Variants in PTPN22 observed in about 807,000 individuals in gnomAD.
PTPN22 encodes protein tyrosine phosphatase non-receptor type 22.
A neutral mutation model predicts 103.3 loss-of-function variants in PTPN22; 85 were observed. The ratio of observed to expected loss-of-function variants is 0.82; its 90% CI spans 0.69 to 0.99. The LOEUF (loss-of-function observed/expected upper bound fraction) is 0.99, where lower values mean the gene tolerates loss of function less well. Among genes scored for constraint, PTPN22 ranks in the 50% least tolerant of loss-of-function variants. PTPN22 has a pLI of 0.00. For synonymous variants in PTPN22, 323 were observed against 310.2 expected (o/e 1.04, Z -0.43); for missense variants, 865 against 936.9 (o/e 0.92, Z 1.00).
exon 8 of PTPN22, chr1:113,854,983 C>T (rs1664917028): frequency 6.2e-7 from 1 of 1,607,232 alleles, no homozygotes. Flanking sequence ...AGAATAGGGT[C>T]TATAGATGAA....
In PTPN22 at chr1:113,859,105, C is replaced by T. The variant is rs753447544; in HGVS notation, c.197-27G>A. 13 of 1,610,468 alleles carry T rather than the reference C, an allele frequency of 8.1e-6. No homozygotes were observed. The Admixed American group carries it at 2.0e-4, about 25-fold the overall frequency. ...TATAATACAAAAGACAGACATAGTA[C>T]AATTAAGAGGGCTTAGTCAGCAGAT... On this transcript the variant is annotated intron_variant, in intron 2 of 20. Transcript: ENST00000359785.
intron 4 of PTPN22, among the ~76,000 whole-genome samples, chr1:113,858,170 A>G (rs1391472460): frequency 6.6e-6 from 1 of 151,914 alleles, no homozygotes; most frequent in Non-Finnish European, 1.5e-5. Flanking sequence ...CGATTCTCCC[A>G]TATCAGCTTC....
chr1:113,818,588 G>T (rs948422859), intron 20 of PTPN22, among the ~76,000 whole-genome samples: 2 of 152,124 alleles, frequency 1.3e-5, no homozygotes, highest in African/African-American at 4.8e-5. Flanking sequence ...TAACTTAGGC[G>T]TGGCAGAGAT....
At position 113,842,901 on chromosome 1, in the gene PTPN22, A is replaced by G. The variant is rs973096085; in HGVS notation, c.916-4281T>C. Among the ~76,000 whole-genome samples the G allele has an allele frequency of 2.6e-5, 4 of 150,998 alleles. No individual in the cohort carries two copies. In the East Asian group the frequency reaches 5.9e-4, roughly 22 times the overall value. ...CGGATCACGAGGTCAGGAGATCGAG[A>G]CCATCCCGGCTAAAACGGTGAAACC... On this transcript the variant is annotated intron_variant, in intron 11 of 20. Transcript: ENST00000359785.
exon 1 of PTPN22, chr1:113,871,569 T>G (rs1185291131): frequency 6.2e-7 from 1 of 1,614,034 alleles, no homozygotes; most frequent in Admixed American, 1.7e-5. Context: ...TCTTTAGTAA[T>G]TTTCTTGCTT....
chr1:113,837,713 GA>G lies in PTPN22; in HGVS notation c.1686del (p.Pro563LeufsTer24), dbSNP rs920720791. ...GAGGATGTTGGCAACAGAGAAGAAG[GA>G]AAAACAGTTCCATCTTGCTTCTCAG... On this transcript the variant is annotated frameshift_variant, in exon 13 of 21. Coordinates refer to ENST00000359785, the Ensembl canonical transcript of PTPN22. LOFTEE classifies it high-confidence loss of function. The G allele has an allele frequency of 1.2e-6, 2 of 1,610,014 alleles. No individual in the cohort carries two copies. The highest frequency in any genetic ancestry group is 2.7e-5 in the African/African-American group (2 of 74,798).
exon 4 of PTPN22, chr1:113,858,520 G>C: frequency 6.2e-7 from 1 of 1,607,366 alleles, no homozygotes; most frequent in Non-Finnish European, 8.5e-7. Context: ...AGTCCAGGAG[G>C]GTTGTAGATA....
At chr1:113,868,516 A>G (rs1411039979) in intron 1 of PTPN22, among the ~76,000 whole-genome samples, 2 of 152,188 alleles carry the variant, frequency 1.3e-5, no homozygotes, top group Non-Finnish European at 2.9e-5. Flanking sequence ...ACTCCCCCAA[A>G]GCTCTCTATC....
At chr1:113,859,321 G>A in intron 2 of PTPN22, 31 bp downstream of exon 2, 1 of 1,582,502 alleles carries the variant, frequency 6.3e-7, no homozygotes, top group Non-Finnish European at 8.7e-7. Context: ...TTGGGAGAAA[G>A]TATGAGTTTA....
At chr1:113,843,105 A>AAAAAAAAAAG (rs1558036819) in intron 11 of PTPN22, among the ~76,000 whole-genome samples, 3 of 145,710 alleles carry the variant, frequency 2.1e-5, no homozygotes, top group Admixed American at 2.0e-4. Context: ...GTCTCAAAAA[A>AAAAAAAAAAG]AAAAAAAAAG....
intron 13 of PTPN22, among the ~76,000 whole-genome samples, chr1:113,835,564 G>T (rs886505408): frequency 6.6e-6 from 1 of 152,050 alleles, no homozygotes; most frequent in Admixed American, 6.6e-5. Context: ...AAAACATTTT[G>T]ATTGAGTCAC....
intron 20 of PTPN22, among the ~76,000 whole-genome samples, chr1:113,817,038 A>T (rs568380777): frequency 6.6e-6 from 1 of 152,282 alleles, no homozygotes; most frequent in South Asian, 2.1e-4. Flanking sequence ...ATGATAAAAA[A>T]AAATTGGTGG....
chr1:113,827,001 A>G lies in PTPN22; in HGVS notation c.2251-1829T>C, dbSNP rs527668303. ...TCTAATTTATCTCTTCAAGGAACCTACCCAAATTTCTTCTTTACTCCACAT... is the reference window on the plus strand; with the variant it reads ...TCTAATTTATCTCTTCAAGGAACCTGCCCAAATTTCTTCTTTACTCCACAT... On this transcript the variant is annotated intron_variant, in intron 18 of 20. Coordinates refer to ENST00000359785, the Ensembl canonical transcript of PTPN22. 5.3e-5 allele frequency among the ~76,000 whole-genome samples: 8 copies of G among 152,136 alleles called. No homozygotes were observed. The South Asian group carries it at 1.7e-3, about 32-fold the overall frequency.
In PTPN22 at chr1:113,843,601, T is replaced by C. The variant is rs868581125; in HGVS notation, c.915+4939A>G. Among the ~76,000 whole-genome samples, 5 of 152,212 alleles carry C rather than the reference T, an allele frequency of 3.3e-5. No homozygotes were observed. The Middle Eastern group carries it at 0.01, about 311-fold the overall frequency. On this transcript the variant is annotated intron_variant, in intron 11 of 20. Transcript: ENST00000359785. ...TTTAGAATAATGAAAGTTCCAGAAA[T>C]AGTGATAGTCACTCAACATTGTGAA...
intron 20 of PTPN22, among the ~76,000 whole-genome samples, chr1:113,817,229 G>C (rs1395858525): frequency 6.6e-6 from 1 of 152,150 alleles, no homozygotes; most frequent in African/African-American, 2.4e-5. Context: ...TGTTAGTATT[G>C]AGTACCTAAA....
exon 8 of PTPN22, chr1:113,855,030 T>C: frequency 1.2e-6 from 2 of 1,610,298 alleles, no homozygotes; most frequent in South Asian, 2.2e-5. Flanking sequence ...GTAATGAAAC[T>C]GGTAGATAGT....
intron 11 of PTPN22, among the ~76,000 whole-genome samples, chr1:113,840,209 T>A: frequency 6.9e-6 from 1 of 145,584 alleles, no homozygotes; most frequent in African/African-American, 2.7e-5. Flanking sequence ...AGACCCTAAC[T>A]TAATTCCATC....
chr1:113,871,001 C>T (rs2102224643), intron 1 of PTPN22, among the ~76,000 whole-genome samples: 1 of 152,200 alleles, frequency 6.6e-6, no homozygotes, highest in South Asian at 2.1e-4. Context: ...CTGCTGCACT[C>T]CAGCCTGGGT....
chr1:113,840,588 T>C (rs1663463267), intron 11 of PTPN22, among the ~76,000 whole-genome samples: 1 of 152,206 alleles, frequency 6.6e-6, no homozygotes, highest in African/African-American at 2.4e-5. Flanking sequence ...ATGCAATTCT[T>C]ATCAAAAACC....
Sources: allele counts gnomAD v4.1 joint callset (sites outside exome capture counted in the v4.1 genomes callset), GRCh38; gene constraint gnomAD v4.1.1; transcripts MANE v1.5; gene names NCBI Gene and HGNC (gene_info 2026-07-23, HGNC 2026-07-21).